Variants in FAM228B observed in about 807,000 individuals in gnomAD.
The protein encoded by FAM228B is family with sequence similarity 228 member B.
Under a neutral mutation model 42.6 loss-of-function variants are expected in FAM228B, and 38 were observed. The ratio of observed to expected loss-of-function variants is 0.89; its 90% confidence interval spans 0.69 to 1.17. The LOEUF (loss-of-function observed/expected upper bound fraction) is 1.17. Among genes scored for constraint, FAM228B ranks in the 50% most tolerant of loss-of-function variants. The pLI is 0.00. For missense variants in FAM228B, 344 were observed against 367.3 expected (o/e 0.94, Z 0.52); for synonymous variants, 109 against 122.3 (o/e 0.89, Z 0.72).
In FAM228B at chr2:24,136,736, C is replaced by G. The variant is rs533384731; in HGVS notation, c.169-1173C>G. On this transcript the variant is annotated intron_variant, in intron 3 of 10. Transcript: ENST00000615575. ...GTCTTGGCTTTGAAAAAAAATTAAT[C>G]ATTTTTTTCAGTGTATGCGATATAA... Among the ~76,000 whole-genome samples, 13 of 152,276 alleles carry G rather than the reference C, an allele frequency of 8.5e-5. No homozygotes were observed. In the South Asian group the frequency reaches 1.7e-3, roughly 19 times the overall value.
intron 3 of FAM228B, among the ~76,000 whole-genome samples, chr2:24,097,927 A>C (rs1380728903): frequency 6.6e-6 from 1 of 152,212 alleles, no homozygotes; most frequent in Non-Finnish European, 1.5e-5. Flanking sequence ...AATCACAACA[A>C]ACTGTCTCTC....
chr2:24,091,552 A>G (rs1665392653), intron 2 of FAM228B, among the ~76,000 whole-genome samples: 1 of 152,248 alleles, frequency 6.6e-6, no homozygotes, highest in Admixed American at 6.5e-5. Context: ...TGTCCAGATG[A>G]AAGCTACATA....
chr2:24,089,081 G>T (rs1454933182), intron 2 of FAM228B, among the ~76,000 whole-genome samples: 1 of 152,212 alleles, frequency 6.6e-6, no homozygotes, highest in African/African-American at 2.4e-5. Flanking sequence ...GGGTGCTGTG[G>T]CTCATACCTA....
At chr2:24,129,617 A>T (rs1666404607) in intron 2 of FAM228B, among the ~76,000 whole-genome samples, 3 of 151,188 alleles carry the variant, frequency 2.0e-5, no homozygotes, top group Admixed American at 1.3e-4. Context: ...TCTGCTACTA[A>T]CCCATTGAGG....
chr2:24,136,165 G>A (rs570100995), intron 3 of FAM228B, among the ~76,000 whole-genome samples: 1 of 145,626 alleles, frequency 6.9e-6, no homozygotes. Flanking sequence ...GGGCTCAAGT[G>A]ATTCTCCTGC....
At position 24,146,970 on chromosome 2, in the gene FAM228B, G is replaced by C; in HGVS notation, c.570G>C (p.Lys190Asn). ...TAAAGGAATTCAAAGAAGTTGAGAA[G>C]GTTCAGCTGCATTCCAGATTCCCAC... ...YSIKEFKEVE[K>N]VQLHSRFPQI... Residue 190 changes from lysine (K) to asparagine (N), a missense_variant, in exon 7 of 11, where the codon AAG (lysine) becomes AAC (asparagine). Coordinates refer to ENST00000615575, the MANE Select transcript of FAM228B (RefSeq NM_001145710.2). 1 of 1,551,424 alleles carries C rather than the reference G, an allele frequency of 6.4e-7. No homozygotes were observed. Among genetic ancestry groups the C allele is most frequent in the Non-Finnish European group, 8.7e-7 (1 of 1,146,844 alleles).
intron 5 of FAM228B, among the ~76,000 whole-genome samples, chr2:24,144,174 G>T (rs1435732651): frequency 1.3e-5 from 2 of 152,108 alleles, no homozygotes; most frequent in Admixed American, 6.6e-5. Context: ...GGGCATGGTG[G>T]CTCATGCCTG....
At position 24,084,300 on chromosome 2, in the gene FAM228B, C is replaced by T. The variant is rs757394139; in HGVS notation, c.-210+3345C>T. ...TCACGTAGAGGTTTTCCGGTCCTCC[C>T]GGCTTGTCAAAGTGCACGGCTAACA... is the stretch of plus-strand genomic sequence containing the variant. On this transcript the variant is annotated intron_variant, in intron 2 of 10. Transcript: ENST00000613899. The surrounding 1 kb of genome is among the most constrained non-coding windows in gnomAD (Gnocchi z 8.4). 25 of 1,613,952 alleles carry T rather than the reference C, an allele frequency of 1.5e-5. No homozygotes were observed. The highest frequency in any genetic ancestry group is 3.3e-4 in the Middle Eastern group (2 of 6,080).
At chr2:24,153,515 G>T (rs546946217) in intron 7 of FAM228B, among the ~76,000 whole-genome samples, 1 of 152,196 alleles carries the variant, frequency 6.6e-6, no homozygotes, top group African/African-American at 2.4e-5. Context: ...AATGGGGACC[G>T]CAGGACCCTG....
chr2:24,158,360 A>G (rs551592025), intron 7 of FAM228B, among the ~76,000 whole-genome samples: 3 of 152,076 alleles, frequency 2.0e-5, no homozygotes, highest in Non-Finnish European at 2.9e-5. Flanking sequence ...TCGATCACAC[A>G]GTTTGCACCT....
At chr2:24,162,442 A>G (rs1422130297) in intron 8 of FAM228B, among the ~76,000 whole-genome samples, 1 of 152,220 alleles carries the variant, frequency 6.6e-6, no homozygotes, top group Non-Finnish European at 1.5e-5. Context: ...TATCTGGTTA[A>G]AAGTCGTGCT....
intron 1 of FAM228B, among the ~76,000 whole-genome samples, chr2:24,078,480 T>TAA (rs36089798): frequency 1.5e-3 from 153 of 104,902 alleles, no homozygotes; most frequent in African/African-American, 5.1e-3. Flanking sequence ...CCTGTCTCCA[T>TAA]AAAAAAAAAA....
chr2:24,128,278 G>A (rs1666364619), intron 2 of FAM228B, among the ~76,000 whole-genome samples: 1 of 151,874 alleles, frequency 6.6e-6, no homozygotes, highest in South Asian at 2.1e-4. Flanking sequence ...TTGTTGAGAC[G>A]GGATCTCTCT....
At chr2:24,143,386 G>T (rs1034865214) in intron 5 of FAM228B, among the ~76,000 whole-genome samples, 2 of 152,060 alleles carry the variant, frequency 1.3e-5, no homozygotes, top group Admixed American at 6.6e-5. Flanking sequence ...AGTAGAGATG[G>T]GGTTTCATCG....
At chr2:24,097,237 C>T (rs1420977150) in intron 3 of FAM228B, 4 of 151,992 alleles carry the variant, frequency 2.6e-5, no homozygotes, top group South Asian at 2.1e-4. Flanking sequence ...AAATAACCAG[C>T]GAACATCATA....
At chr2:24,155,051 G>A (rs561106088) in intron 7 of FAM228B, among the ~76,000 whole-genome samples, 52 of 151,948 alleles carry the variant, frequency 3.4e-4, no homozygotes, top group Non-Finnish European at 7.6e-4. Context: ...AATTAAATAG[G>A]TTCCATCCAA....
At chr2:24,150,967 T>C (rs1455414318) in intron 7 of FAM228B, among the ~76,000 whole-genome samples, 1 of 152,210 alleles carries the variant, frequency 6.6e-6, no homozygotes, top group Admixed American at 6.5e-5. Flanking sequence ...AATGTTGATA[T>C]CTTTCTCTAG....
Position 24,137,951 on chromosome 2 carries a change from A to C in FAM228B, c.211A>C (p.Arg71=). ...ACAACATCATGCCTTCTTAAATGCA[A>C]GAAGAAAGGAGATGTTATATAAAAG... is the stretch of plus-strand genomic sequence containing the variant. The part of the protein sequence containing the change: ...YLQHHAFLNA[R]RKEMLYKRWV... Residue 71 remains arginine, a synonymous_variant, in exon 4 of 11, where the codon AGA becomes CGA. Transcript: ENST00000615575. The C allele has an allele frequency of 6.5e-7, 1 of 1,540,328 alleles. No individual in the cohort carries two copies. The highest frequency in any genetic ancestry group is 8.7e-7 in the Non-Finnish European group (1 of 1,144,308).
intron 2 of FAM228B, among the ~76,000 whole-genome samples, chr2:24,092,046 A>G (rs1310137863): frequency 6.6e-6 from 1 of 151,812 alleles, no homozygotes; most frequent in Non-Finnish European, 1.5e-5. Flanking sequence ...AGCCTGGGCA[A>G]CATAGCAAAA....
Sources: allele counts gnomAD v4.1 joint callset (sites outside exome capture counted in the v4.1 genomes callset), GRCh38; gene constraint gnomAD v4.1.1; non-coding constraint Gnocchi (gnomAD v3.1); transcripts MANE v1.5; gene names NCBI Gene and HGNC (gene_info 2026-07-23, HGNC 2026-07-21).